Variants in DYM observed in about 807,000 individuals in gnomAD.
DYM encodes dymeclin.
Under a neutral mutation model 93.1 loss-of-function variants are expected in DYM, and 78 were observed. The ratio of observed to expected loss-of-function variants is 0.84; its 90% confidence interval spans 0.70 to 1.01. DYM has a LOEUF of 1.01. Among genes scored for constraint, DYM ranks in the 50% least tolerant of loss-of-function variants. DYM has a pLI of 0.00. For missense variants in DYM, 789 were observed against 845.0 expected (o/e 0.93, Z 0.82); for synonymous variants, 321 against 319.7 (o/e 1.00, Z -0.04).
rs770236375 is a variant in DYM, at chr18:49,286,510, C to A, written c.870G>T (p.Val290=). The change falls in exon 9 of 18, where the codon GTG becomes GTT. Residue 290 remains valine, a synonymous_variant. Transcript: ENST00000675505. ...CTGAGGCATCTGTCAGATTGGCCAA[C>A]ACCAGCAGAAGCAGGAGACTCTGGT... ...LANQSLLLLL[V]LANLTDASDA... 11 of 1,614,060 alleles carry A rather than the reference C, an allele frequency of 6.8e-6. No homozygotes were observed. The highest frequency in any genetic ancestry group is 5.0e-5 in the Admixed American group (3 of 60,010).
At chr18:49,372,257 C>A (rs115817700) in intron 5 of DYM, among the ~76,000 whole-genome samples, 1 of 152,202 alleles carries the variant, frequency 6.6e-6, no homozygotes, top group African/African-American at 2.4e-5. Flanking sequence ...AATTTTATTG[C>A]TCTTTTATCA....
At chr18:49,135,999 T>A (rs994703401) in intron 15 of DYM, among the ~76,000 whole-genome samples, 10 of 152,226 alleles carry the variant, frequency 6.6e-5, no homozygotes, top group African/African-American at 2.4e-4. Flanking sequence ...ATGCCTACAT[T>A]TTGTCCAAAC....
chr18:49,085,593 A>C (rs1166194748), intron 17 of DYM, among the ~76,000 whole-genome samples: 1 of 146,816 alleles, frequency 6.8e-6, no homozygotes, highest in African/African-American at 2.5e-5. Flanking sequence ...CAGATGAATA[A>C]GGACAACTGG....
chr18:49,168,505 G>A (rs1414975710), intron 14 of DYM, among the ~76,000 whole-genome samples: 1 of 152,194 alleles, frequency 6.6e-6, no homozygotes, highest in African/African-American at 2.4e-5. Context: ...GGAAATGGCT[G>A]TAGTGTAGGG....
At chr18:49,107,323 A>C (rs1266405470) in intron 16 of DYM, among the ~76,000 whole-genome samples, 1 of 151,760 alleles carries the variant, frequency 6.6e-6, no homozygotes, top group Non-Finnish European at 1.5e-5. Context: ...TTTTTTCACG[A>C]TTTTTAACTT....
chr18:49,326,703 G>A (rs1048869145), intron 8 of DYM, among the ~76,000 whole-genome samples: 7 of 152,154 alleles, frequency 4.6e-5, no homozygotes, highest in Non-Finnish European at 8.8e-5. Context: ...TGATAGCAGA[G>A]TGGTTACAAG....
chr18:49,197,131 G>A (rs1157872746), intron 14 of DYM, among the ~76,000 whole-genome samples: 1 of 152,168 alleles, frequency 6.6e-6, no homozygotes, highest in African/African-American at 2.4e-5. Context: ...TGGGACATGT[G>A]AGGTATGAGT....
chr18:49,181,812 G>A (rs1266229411), intron 14 of DYM, among the ~76,000 whole-genome samples: 2 of 152,060 alleles, frequency 1.3e-5, no homozygotes, highest in African/African-American at 2.4e-5. Context: ...TTCTATATCA[G>A]TGATTCCTGC....
At chr18:49,078,322 A>G (rs1380476542) in intron 17 of DYM, among the ~76,000 whole-genome samples, 1 of 152,072 alleles carries the variant, frequency 6.6e-6, no homozygotes, top group African/African-American at 2.4e-5. Flanking sequence ...TGCTTATTTC[A>G]CGTTGCATGC....
chr18:49,102,583 C>A (rs945885942), intron 16 of DYM, among the ~76,000 whole-genome samples: 5 of 152,136 alleles, frequency 3.3e-5, no homozygotes, highest in African/African-American at 1.2e-4. Context: ...AACCCCACAA[C>A]AGGCCCCAGT....
chr18:49,272,170 T>G lies in DYM; in HGVS notation c.1251+8A>C. 6.2e-7 allele frequency: 1 copy of G among 1,611,784 alleles called. No individual in the cohort carries two copies. The highest frequency in any genetic ancestry group is 8.5e-7 in the Non-Finnish European group (1 of 1,178,324). On this transcript the variant is annotated splice_region_variant and intron_variant, in intron 11 of 17. Transcript: ENST00000675505. ...ACTCTAACTCTAATCCAAGTAATGG[T>G]AACTTACCACTTCATGAATGGATCT...
intron 1 of DYM, among the ~76,000 whole-genome samples, chr18:49,458,171 A>G (rs1399215398): frequency 2.0e-5 from 3 of 152,250 alleles, no homozygotes; most frequent in Non-Finnish European, 4.4e-5. Flanking sequence ...TATCTAGAAA[A>G]GCATAACCAA....
intron 8 of DYM, among the ~76,000 whole-genome samples, chr18:49,304,884 C>A (rs373290098): frequency 7.9e-5 from 12 of 152,218 alleles, no homozygotes; most frequent in African/African-American, 2.6e-4. Context: ...CCTTGATCTG[C>A]TTGCACTTCC....
chr18:49,351,456 G>A (rs1464797089), intron 6 of DYM, among the ~76,000 whole-genome samples: 2 of 151,774 alleles, frequency 1.3e-5, no homozygotes, highest in African/African-American at 2.4e-5. Context: ...ACTGCCCATA[G>A]TTGAAGAACA....
intron 14 of DYM, among the ~76,000 whole-genome samples, chr18:49,176,835 A>G (rs936944782): frequency 6.6e-6 from 1 of 152,132 alleles, no homozygotes; most frequent in Non-Finnish European, 1.5e-5. Context: ...TGGACAATGG[A>G]TTTTAAAAAT....
At chr18:49,312,226 C>A (rs2061641447) in intron 8 of DYM, among the ~76,000 whole-genome samples, 1 of 152,052 alleles carries the variant, frequency 6.6e-6, no homozygotes, top group African/African-American at 2.4e-5. Flanking sequence ...AGGGGCAGGT[C>A]CCCAGTGAAA....
chr18:49,365,415 T>G (rs915422731), intron 5 of DYM, among the ~76,000 whole-genome samples: 2 of 151,884 alleles, frequency 1.3e-5, no homozygotes, highest in South Asian at 2.1e-4. Flanking sequence ...CTATTATTAG[T>G]GAAGAAAAAA....
chr18:49,262,319 C>T (rs1490683273), intron 11 of DYM, among the ~76,000 whole-genome samples: 1 of 152,138 alleles, frequency 6.6e-6, no homozygotes, highest in South Asian at 2.1e-4. Context: ...TCAGAGAGAG[C>T]ATGGCCCCGC....
intron 13 of DYM, among the ~76,000 whole-genome samples, chr18:49,243,365 C>T (rs753762278): frequency 1.3e-5 from 2 of 152,034 alleles, no homozygotes; most frequent in Non-Finnish European, 2.9e-5. Context: ...AAATACTCCA[C>T]GAAGAAATCA....
Sources: allele counts gnomAD v4.1 joint callset (sites outside exome capture counted in the v4.1 genomes callset), GRCh38; gene constraint gnomAD v4.1.1; transcripts MANE v1.5; gene names NCBI Gene and HGNC (gene_info 2026-07-23, HGNC 2026-07-21).